The following STK32A variants were observed in gnomAD, a reference collection of about 807,000 sequenced individuals.
STK32A encodes serine/threonine-protein kinase 32A.
In STK32A, 41 loss-of-function variants were observed where a neutral mutation model predicts 53.2. That is an observed-to-expected ratio of 0.77 (90% CI 0.60 to 1.00). STK32A has a LOEUF of 1.00. Among genes scored for constraint, STK32A ranks in the 50% least tolerant of loss-of-function variants. The pLI is 0.00. For synonymous variants in STK32A, 166 were observed against 162.8 expected (o/e 1.02, Z -0.15); for missense variants, 458 against 485.8 (o/e 0.94, Z 0.54).
rs188907074 is a variant in STK32A at position 147,334,959 on chromosome 5, T to C, written c.435-8047T>C. ...TTCCAAACCCATATATACTATGTTTTTTCCCTTTTGTACATACCTATGGTA... is the reference window on the plus strand; with the variant it reads ...TTCCAAACCCATATATACTATGTTTCTTCCCTTTTGTACATACCTATGGTA... On this transcript the variant is annotated intron_variant, in intron 5 of 12. Coordinates refer to ENST00000397936, the MANE Select transcript of STK32A (RefSeq NM_001112724.2). Among the ~76,000 whole-genome samples, 13 of 152,360 alleles carry C rather than the reference T, an allele frequency of 8.5e-5. No individual in the cohort carries two copies. In the East Asian group the frequency reaches 2.5e-3, roughly 29 times the overall value.
intron 7 of STK32A, among the ~76,000 whole-genome samples, chr5:147,355,599 A>T (rs1188951052): frequency 2.0e-5 from 3 of 151,944 alleles, no homozygotes; most frequent in African/African-American, 7.3e-5. Context: ...AATGGCGCGA[A>T]CCCGGGAGGC....
intron 4 of STK32A, among the ~76,000 whole-genome samples, chr5:147,323,186 G>A (rs1754402817): frequency 6.6e-6 from 1 of 152,154 alleles, no homozygotes; most frequent in Admixed American, 6.5e-5. Context: ...GGAAGGACTG[G>A]GGTCACACTC....
intron 2 of STK32A, among the ~76,000 whole-genome samples, chr5:147,267,577 C>T (rs550692343): frequency 2.0e-5 from 3 of 152,192 alleles, no homozygotes; most frequent in South Asian, 4.1e-4. Flanking sequence ...TGTATATATG[C>T]TACTTAATAG....
intron 7 of STK32A, among the ~76,000 whole-genome samples, chr5:147,353,295 A>G (rs1756070665): frequency 6.6e-6 from 1 of 152,236 alleles, no homozygotes; most frequent in Non-Finnish European, 1.5e-5. Flanking sequence ...ATATAAGAAT[A>G]GTTTTAAAAT....
At position 147,269,597 on chromosome 5, in the gene STK32A, C is replaced by T. The variant is rs1036681582; in HGVS notation, c.53-8527C>T. Reference sequence around the variant, plus strand: ...CAAATTTGTATAGCAAATTAACATGCCAAAAAAGGCATGCAAGACTTTTAC... The same window carrying T: ...CAAATTTGTATAGCAAATTAACATGTCAAAAAAGGCATGCAAGACTTTTAC... On this transcript the variant is annotated intron_variant, in intron 2 of 12. Coordinates refer to ENST00000397936, the MANE Select transcript of STK32A (RefSeq NM_001112724.2). 2.0e-5 allele frequency among the ~76,000 whole-genome samples: 3 copies of T among 152,106 alleles called. No individual in the cohort carries two copies. The East Asian group carries it at 5.8e-4, about 29-fold the overall frequency.
chr5:147,340,497 A>C (rs1755352851), intron 5 of STK32A, among the ~76,000 whole-genome samples: 1 of 152,210 alleles, frequency 6.6e-6, no homozygotes, highest in Non-Finnish European at 1.5e-5. Context: ...TAGAACTAGA[A>C]AATCTCAACT....
intron 10 of STK32A, among the ~76,000 whole-genome samples, chr5:147,373,913 C>T (rs568988675): frequency 1.3e-4 from 20 of 152,274 alleles, no homozygotes; most frequent in Middle Eastern, 3.4e-3. Context: ...CTAGCTCCTT[C>T]TCTCTGCCTA....
At chr5:147,322,831 C>T (rs1010790294) in intron 4 of STK32A, among the ~76,000 whole-genome samples, 1 of 152,154 alleles carries the variant, frequency 6.6e-6, no homozygotes, top group Non-Finnish European at 1.5e-5. Flanking sequence ...TTCCTCATCC[C>T]TACACTCCTT....
At chr5:147,395,549 T>C in the STK32A span, 2 of 1,606,494 alleles carry the variant, frequency 1.2e-6, no homozygotes, top group Non-Finnish European at 1.7e-6. Context: ...GATGAGCCTG[T>C]CCCACTCACC....
At chr5:147,305,814 C>T (rs550773934) in intron 4 of STK32A, among the ~76,000 whole-genome samples, 70 of 151,872 alleles carry the variant, frequency 4.6e-4, no homozygotes, top group Non-Finnish European at 8.4e-4. Flanking sequence ...TTGAGACTTT[C>T]GCAGAGTACT....
chr5:147,316,167 A>G (rs1314598527), intron 4 of STK32A, among the ~76,000 whole-genome samples: 1 of 152,230 alleles, frequency 6.6e-6, no homozygotes, highest in African/African-American at 2.4e-5. Flanking sequence ...TAGAACCAAC[A>G]AGTATTTATA....
chr5:147,256,822 C>T (rs1189314438), intron 2 of STK32A, among the ~76,000 whole-genome samples: 1 of 151,978 alleles, frequency 6.6e-6, no homozygotes, highest in Non-Finnish European at 1.5e-5. Flanking sequence ...TGTTTTAAGT[C>T]TTTAGTTTTT....
At chr5:147,264,843 G>T (rs1561679085) in intron 2 of STK32A, among the ~76,000 whole-genome samples, 1 of 152,014 alleles carries the variant, frequency 6.6e-6, no homozygotes, top group African/African-American at 2.4e-5. Flanking sequence ...GAGATTAGAA[G>T]GGGGGTAAGT....
At chr5:147,347,617 A>C (rs928343181) in intron 6 of STK32A, among the ~76,000 whole-genome samples, 1 of 152,134 alleles carries the variant, frequency 6.6e-6, no homozygotes, top group Non-Finnish European at 1.5e-5. Context: ...CCAATATTTC[A>C]ATGGTGCTGA....
Position 147,279,230 on chromosome 5 carries a change from C to A in STK32A, c.109-17C>A. The A allele has an allele frequency of 6.3e-7, 1 of 1,597,248 alleles. No individual in the cohort carries two copies. The highest frequency in any genetic ancestry group is 8.6e-7 in the Non-Finnish European group (1 of 1,168,258). On this transcript the variant is annotated splice_polypyrimidine_tract_variant and intron_variant, in intron 3 of 12. Transcript: ENST00000397936. ...TTATCTCCCTAATCACTCTCTCACTCGGGTTTTCACCATTAGGTCTGCATT... is the reference window on the plus strand; with the variant it reads ...TTATCTCCCTAATCACTCTCTCACTAGGGTTTTCACCATTAGGTCTGCATT...
downstream of STK32A, among the ~76,000 whole-genome samples, chr5:147,389,583 CA>C (rs1480205454): frequency 6.6e-6 from 1 of 152,096 alleles, no homozygotes; most frequent in Non-Finnish European, 1.5e-5. Flanking sequence ...AACTTTGTCC[CA>C]CATAAAAAGA....
At chr5:147,343,776 G>C (rs1346164982) in intron 6 of STK32A, among the ~76,000 whole-genome samples, 2 of 152,156 alleles carry the variant, frequency 1.3e-5, no homozygotes, top group South Asian at 4.1e-4. Context: ...TCTCAGAAAA[G>C]ATATCAAGTT....
At chr5:147,351,204 T>G (rs202020206) in intron 7 of STK32A, 50 bp downstream of exon 7, 319 of 1,450,070 alleles carry the variant, frequency 2.2e-4, no homozygotes, top group Non-Finnish European at 3.0e-4. Flanking sequence ...AAATACCATT[T>G]ATTACAGGTG....
intron 4 of STK32A, among the ~76,000 whole-genome samples, chr5:147,306,250 G>T (rs1320845012): frequency 6.6e-6 from 1 of 151,932 alleles, no homozygotes; most frequent in Non-Finnish European, 1.5e-5. Context: ...TAATCCCTTT[G>T]TTGGGAAGTG....
Sources: allele counts gnomAD v4.1 joint callset (sites outside exome capture counted in the v4.1 genomes callset), GRCh38; gene constraint gnomAD v4.1.1; transcripts MANE v1.5; gene names NCBI Gene and HGNC (gene_info 2026-07-23, HGNC 2026-07-21).